The following ANKRD42 variants were observed in gnomAD, a reference collection of about 807,000 sequenced individuals.
ANKRD42 encodes ankyrin repeat domain 42, also known as ankyrin repeat domain-containing protein 42.
A neutral mutation model predicts 51.5 loss-of-function variants in ANKRD42; 43 were observed. The ratio of observed to expected loss-of-function variants is 0.83; its 90% CI spans 0.65 to 1.08. The LOEUF is 1.08. ANKRD42 is among the 50% of genes least tolerant of loss of function. ANKRD42 has a pLI of 0.00. For synonymous variants in ANKRD42, 203 were observed against 213.0 expected, an observed-to-expected ratio of 0.95 and a Z score of 0.41; for missense variants, 608 against 629.3, an observed-to-expected ratio of 0.97 and a Z score of 0.36.
chr11:83,233,204 G>C (rs573324933), intron 7 of ANKRD42, among the ~76,000 whole-genome samples: 1 of 150,494 alleles, frequency 6.6e-6, no homozygotes, highest in Non-Finnish European at 1.5e-5. Flanking sequence ...TGAAGCCATC[G>C]GGTCTGGGGT....
chr11:83,244,064 C>T (rs1473903525), intron 9 of ANKRD42, among the ~76,000 whole-genome samples: 2 of 143,674 alleles, frequency 1.4e-5, no homozygotes, highest in Non-Finnish European at 3.0e-5. Flanking sequence ...TCACTGCATC[C>T]TTCATCTCCT....
intron 8 of ANKRD42, among the ~76,000 whole-genome samples, chr11:83,239,004 C>A (rs1327644993): frequency 6.7e-6 from 1 of 149,078 alleles, no homozygotes; most frequent in Non-Finnish European, 1.5e-5. Context: ...GCTAGACCCT[C>A]AAAAAAAAAA....
chr11:83,202,934 A>G (rs1046779224), intron 2 of ANKRD42, among the ~76,000 whole-genome samples: 2 of 149,648 alleles, frequency 1.3e-5, no homozygotes, highest in African/African-American at 2.5e-5. Flanking sequence ...ATTTACGTTT[A>G]TATTTTTAGT....
chr11:83,195,711 T>C (rs541755064), intron 1 of ANKRD42, among the ~76,000 whole-genome samples: 64 of 152,322 alleles, frequency 4.2e-4, no homozygotes, highest in African/African-American at 1.5e-3. Context: ...CATTCCAGTT[T>C]AGTTCATTCT....
intron 7 of ANKRD42, among the ~76,000 whole-genome samples, chr11:83,230,282 A>G (rs1863027621): frequency 6.6e-6 from 1 of 151,774 alleles, no homozygotes; most frequent in Non-Finnish European, 1.5e-5. Context: ...CGAACTCCTG[A>G]CTCAAGTGAT....
At chr11:83,222,503 C>T (rs755376391) in intron 5 of ANKRD42, among the ~76,000 whole-genome samples, 1 of 152,074 alleles carries the variant, frequency 6.6e-6, no homozygotes, top group Non-Finnish European at 1.5e-5. Flanking sequence ...TATTAGAGGG[C>T]ATGGAATTTG....
chr11:83,201,864 T>G (rs1438123841), intron 2 of ANKRD42, among the ~76,000 whole-genome samples: 1 of 152,156 alleles, frequency 6.6e-6, no homozygotes, highest in Non-Finnish European at 1.5e-5. Flanking sequence ...TCTTATAAAT[T>G]TAAGTTTCTT....
intron 4 of ANKRD42, 144 bp from the exon 5 acceptor site, chr11:83,211,151 G>A: frequency 2.1e-6 from 2 of 969,478 alleles, no homozygotes; most frequent in Non-Finnish European, 3.2e-6. Context: ...TCAAATTAGT[G>A]GTTGCAGTAC....
At position 83,195,082 on chromosome 11, in the gene ANKRD42, C is replaced by G. The variant is rs1437850599; in HGVS notation, c.58+354C>G. The stretch of plus-strand genomic sequence containing the variant: ...GTACTTACTTAGTTTTCTTCTTTCA[C>G]TCCATTGAGTGACCCTTTCCCTTAC... On this transcript the variant is annotated intron_variant, in intron 1 of 10. Transcript: ENST00000533342. Among the ~76,000 whole-genome samples, 3 of 152,204 alleles carry G rather than the reference C, an allele frequency of 2.0e-5. No homozygotes were observed. The South Asian group carries it at 6.2e-4, about 31-fold the overall frequency.
intron 5 of ANKRD42, among the ~76,000 whole-genome samples, chr11:83,212,034 T>G (rs2135504905): frequency 6.6e-6 from 1 of 152,278 alleles, no homozygotes; most frequent in African/African-American, 2.4e-5. Context: ...AGTGTTTTTA[T>G]TTTTTAACTT....
chr11:83,257,476 G>A, downstream of ANKRD42: 1 of 360,718 alleles, frequency 2.8e-6, no homozygotes. Context: ...CATTTATTGG[G>A]CACTTTGTGT....
chr11:83,224,520 C>T (rs1215311317), intron 5 of ANKRD42, among the ~76,000 whole-genome samples: 2 of 152,180 alleles, frequency 1.3e-5, no homozygotes, highest in Admixed American at 1.3e-4. Context: ...GGAAAAAGGT[C>T]TCTTCTCCGT....
Position 83,194,040 on chromosome 11 carries a change from T to C in ANKRD42, c.-631T>C, listed in dbSNP as rs1457507847. The C allele has an allele frequency of 2.2e-6, 1 of 456,372 alleles. No individual in the cohort carries two copies. The highest frequency in any genetic ancestry group is 6.9e-5 in the East Asian group (1 of 14,408). 28.3% of individuals were successfully genotyped at this position (456,372 alleles called of 1,614,324 possible). A position where few individuals can be genotyped will look rare whatever the true frequency, so the allele number is the denominator to read the frequency against. On this transcript the variant is annotated 5_prime_UTR_variant, in exon 1 of 11. Coordinates refer to ENST00000533342, the MANE Select transcript of ANKRD42 (RefSeq NM_001300975.2). ...CCCGCAGTGACTTGAGAAGGGTCAG[T>C]GAAAACCTCGGCCACTGCCGCAGCG...
In ANKRD42 at chr11:83,193,947, A is replaced by G; in HGVS notation, c.-724A>G. 1 of 456,152 alleles carries G rather than the reference A, an allele frequency of 2.2e-6. No individual in the cohort carries two copies. Among genetic ancestry groups the G allele is most frequent in the Middle Eastern group, 3.3e-4 (1 of 3,070 alleles). 28.3% of individuals were successfully genotyped at this position (456,152 alleles called of 1,614,324 possible). On this transcript the variant is annotated 5_prime_UTR_variant, in exon 1 of 11. Transcript: ENST00000533342. The stretch of plus-strand genomic sequence containing the variant: ...AAAGAGTTAGCGACGACGGGGAAAG[A>G]AAATGTGAAGAGAGCGACCGCCGCT...
chr11:83,235,881 C>T (rs748126144), intron 7 of ANKRD42, among the ~76,000 whole-genome samples: 4 of 152,168 alleles, frequency 2.6e-5, no homozygotes, highest in African/African-American at 9.7e-5. Flanking sequence ...TGTGGCTTTA[C>T]AGGCCTATAA....
chr11:83,255,952 T>C (rs1438247873), exon 12 of ANKRD42: 3 of 1,495,724 alleles, frequency 2.0e-6, no homozygotes, highest in Non-Finnish European at 2.7e-6. Flanking sequence ...AATAACTAAA[T>C]TGACCTGCTA....
At chr11:83,225,168 T>TA (rs1235227554) in intron 6 of ANKRD42, 113 bp downstream of exon 6, 4 of 836,330 alleles carry the variant, frequency 4.8e-6, no homozygotes, top group African/African-American at 3.5e-5. Flanking sequence ...TTATATACGT[T>TA]ATATGTAAAA....
chr11:83,247,921 T>TA (rs1254734974), intron 10 of ANKRD42, 22 bp from the exon 11 acceptor site: 2 of 1,573,144 alleles, frequency 1.3e-6, no homozygotes, highest in African/African-American at 2.8e-5. Flanking sequence ...GATTGATTTT[T>TA]AAAAAATTTT....
In ANKRD42 at chr11:83,198,709, A is replaced by T. The variant is rs78559590; in HGVS notation, c.222+67A>T. On this transcript the variant is annotated intron_variant, in intron 2 of 10. Coordinates refer to ENST00000533342, the MANE Select transcript of ANKRD42 (RefSeq NM_001300975.2). Reference sequence around the variant, plus strand: ...CTATAACAGTTTTGTAAATTTAGCAAACAGGGCTGAGACCTTATGGTAGGT... The same window carrying T: ...CTATAACAGTTTTGTAAATTTAGCATACAGGGCTGAGACCTTATGGTAGGT... The T allele has an allele frequency of 1.6e-3, 2,298 of 1,430,134 alleles. 31 individuals carry two copies. In the African/African-American group the frequency reaches 0.03, roughly 19 times the overall value. 88.6% of individuals were successfully genotyped at this position (1,430,134 alleles called of 1,614,324 possible).
Sources: gnomAD v4.1 joint callset for allele counts (sites outside exome capture counted in the v4.1 genomes callset) on GRCh38, gnomAD v4.1.1 for gene constraint, MANE v1.5 for transcripts, NCBI Gene and HGNC (gene_info 2026-07-23, HGNC 2026-07-21) for gene names.